The following SEPTIN10 variants were observed in gnomAD, a reference collection of about 807,000 sequenced individuals.
The protein encoded by SEPTIN10 is septin 10.
A neutral mutation model predicts 54.8 loss-of-function variants in SEPTIN10; 66 were observed. The observed-to-expected ratio is 1.21, with a 90% CI of 0.99 to 1.48. SEPTIN10 has a LOEUF of 1.48. Among genes scored for constraint, SEPTIN10 ranks in the 40% most tolerant of loss-of-function variants. The pLI, the probability that SEPTIN10 is intolerant of heterozygous loss-of-function variation, is 0.00. For synonymous variants in SEPTIN10, 161 were observed against 181.0 expected (o/e 0.89, Z 0.89); for missense variants, 620 against 545.6 (o/e 1.14, Z -1.36).
At chr2:109,586,403 A>AAGT (rs1692546882) in intron 2 of SEPTIN10, among the ~76,000 whole-genome samples, 1 of 151,558 alleles carries the variant, frequency 6.6e-6, no homozygotes, top group African/African-American at 2.4e-5. Flanking sequence ...GAGTTTATCT[A>AAGT]GCTTTTTCCC....
chr2:109,571,020 T>C (rs1688241982), intron 5 of SEPTIN10, among the ~76,000 whole-genome samples: 1 of 152,138 alleles, frequency 6.6e-6, no homozygotes, highest in African/African-American at 2.4e-5. Flanking sequence ...GGGACAGAGT[T>C]GTCCCTTGCT....
rs114417153 is a variant in SEPTIN10 at position 109,585,547 on chromosome 2, G to T, written c.217+174C>A. On this transcript the variant is annotated intron_variant, in intron 3 of 10. Transcript: ENST00000397712. ...CAACACTGAGATGTTTATATAACAA[G>T]CCAAAAGCTTAAAGCTAAGAAAAAC... Among the ~76,000 whole-genome samples the T allele has an allele frequency of 5.0e-3, 763 of 152,238 alleles. 6 individuals carry two copies. Among genetic ancestry groups the T allele is most frequent in the African/African-American group, 0.018 (730 of 41,542 alleles).
chr2:109,550,748 A>C (rs1682729892), intron 9 of SEPTIN10, among the ~76,000 whole-genome samples: 1 of 152,100 alleles, frequency 6.6e-6, no homozygotes, highest in Non-Finnish European at 1.5e-5. Context: ...CTTTGTGTTC[A>C]CTTAAAAATT....
At chr2:109,559,177 C>A (rs941735500) in intron 8 of SEPTIN10, among the ~76,000 whole-genome samples, 2 of 152,182 alleles carry the variant, frequency 1.3e-5, no homozygotes, top group Admixed American at 1.3e-4. Flanking sequence ...TAAGCCACCA[C>A]GCCTGGCCAG....
At chr2:109,575,098 C>T (rs1490037679) in intron 4 of SEPTIN10, among the ~76,000 whole-genome samples, 2 of 152,154 alleles carry the variant, frequency 1.3e-5, no homozygotes, top group African/African-American at 2.4e-5. Context: ...TTTGTACTTC[C>T]GAAACCATCA....
At position 109,601,966 on chromosome 2, in the gene SEPTIN10, G is replaced by C. The variant is rs555923964; in HGVS notation, c.31-8847C>G. On this transcript the variant is annotated intron_variant, in intron 1 of 10. Transcript: ENST00000397712. ...TCATATGGAAATGCGCTTCCCGAGG[G>C]AAAAACCAGGACCCATGAATAGACT... Among the ~76,000 whole-genome samples the C allele has an allele frequency of 4.1e-4, 62 of 152,226 alleles. 1 individual carries two copies. Among genetic ancestry groups the C allele is most frequent in the African/African-American group, 1.3e-3 (56 of 41,530 alleles).
chr2:109,585,150 C>G lies in SEPTIN10; in HGVS notation c.389G>C (p.Gly130Ala). The G allele has an allele frequency of 6.3e-7, 1 of 1,586,664 alleles. No homozygotes were observed. Among genetic ancestry groups the G allele is most frequent in the Non-Finnish European group, 8.6e-7 (1 of 1,168,430 alleles). Residue 130 changes from glycine (G) to alanine (A), a missense_variant, in exon 4 of 11, where the codon GGT becomes GCT. Gly to Ala is a moderately conservative substitution (Grantham distance 60). Transcript: ENST00000397712. ...CCTCTCTTCTTTATTTATTTGGTCA[C>G]CAAATCCCACTGTATTCACAATGGT... ...KLTIVNTVGF[G>A]DQINKEESYQ...
chr2:109,563,205 C>T lies in SEPTIN10; in HGVS notation c.1028+1161G>A, dbSNP rs1360887881. On this transcript the variant is annotated intron_variant, in intron 8 of 10. Transcript: ENST00000397712. The stretch of plus-strand genomic sequence containing the variant: ...GGATTACAGGCCATGAACCACCACA[C>T]CCGGCCATAAGTATATACAATTCTT... Among the ~76,000 whole-genome samples the T allele has an allele frequency of 3.3e-5, 5 of 152,306 alleles. No individual in the cohort carries two copies. In the East Asian group the frequency reaches 9.6e-4, roughly 29 times the overall value.
intron 5 of SEPTIN10, among the ~76,000 whole-genome samples, chr2:109,570,698 A>G (rs1023053209): frequency 2.0e-5 from 3 of 151,344 alleles, no homozygotes; most frequent in African/African-American, 7.3e-5. Context: ...ATTTTTTTGT[A>G]TTTTTAGTAG....
At chr2:109,555,508 C>T (rs1684155012) in intron 8 of SEPTIN10, among the ~76,000 whole-genome samples, 1 of 152,174 alleles carries the variant, frequency 6.6e-6, no homozygotes, top group African/African-American at 2.4e-5. Flanking sequence ...TCATGATCAA[C>T]TCAGTATACC....
chr2:109,610,959 T>A (rs1699132576), intron 1 of SEPTIN10, among the ~76,000 whole-genome samples: 1 of 152,166 alleles, frequency 6.6e-6, no homozygotes, highest in Admixed American at 6.5e-5. Context: ...TCTACCTTAT[T>A]TCAGACTTAC....
At position 109,585,703 on chromosome 2, in the gene SEPTIN10, A is replaced by T; in HGVS notation, c.217+18T>A. 6.6e-7 allele frequency: 1 copy of T among 1,515,356 alleles called. No homozygotes were observed. Among genetic ancestry groups the T allele is most frequent in the South Asian group, 1.1e-5 (1 of 89,026 alleles). 93.9% of individuals were successfully genotyped at this position (1,515,356 alleles called of 1,614,324 possible). On this transcript the variant is annotated intron_variant, in intron 3 of 10. Coordinates refer to ENST00000397712, the MANE Select transcript of SEPTIN10 (RefSeq NM_144710.5). ...GAATATGAAGGAACAACTTAGAGGA[A>T]GAGTAGGTGGCACGTACCCACACAG...
chr2:109,574,979 T>C (rs554225051), intron 4 of SEPTIN10, among the ~76,000 whole-genome samples: 2 of 152,382 alleles, frequency 1.3e-5, no homozygotes, highest in Admixed American at 1.3e-4. Context: ...TATATCCTGA[T>C]AAATCCATCA....
At chr2:109,582,024 A>G (rs991122239) in intron 4 of SEPTIN10, among the ~76,000 whole-genome samples, 2 of 151,890 alleles carry the variant, frequency 1.3e-5, no homozygotes, top group Non-Finnish European at 2.9e-5. Context: ...TCTGTATATC[A>G]ATAATGGTCA....
intron 8 of SEPTIN10, among the ~76,000 whole-genome samples, chr2:109,562,990 A>G (rs1477535884): frequency 6.6e-6 from 1 of 151,782 alleles, no homozygotes; most frequent in Non-Finnish European, 1.5e-5. Flanking sequence ...AGCTCACTGT[A>G]AACTCTGCCT....
chr2:109,610,657 G>A (rs759719249), intron 1 of SEPTIN10, among the ~76,000 whole-genome samples: 15 of 152,044 alleles, frequency 9.9e-5, no homozygotes, highest in Non-Finnish European at 1.9e-4. Flanking sequence ...TGGAGGCTGC[G>A]GTGAGCTGAG....
chr2:109,565,890 T>C, intron 6 of SEPTIN10, 31 bp from the exon 7 acceptor site: 1 of 1,540,562 alleles, frequency 6.5e-7, no homozygotes. Flanking sequence ...CATCTTCTCA[T>C]ACCACTGTGA....
chr2:109,597,800 C>T (rs568641942), intron 1 of SEPTIN10, among the ~76,000 whole-genome samples: 4 of 152,172 alleles, frequency 2.6e-5, no homozygotes, highest in Non-Finnish European at 5.9e-5. Flanking sequence ...AAGTCTGGTG[C>T]TGCACCTTTT....
At chr2:109,552,749 C>A in intron 9 of SEPTIN10, 1 of 205,336 alleles carries the variant, frequency 4.9e-6, no homozygotes. Flanking sequence ...GAATGAGGCA[C>A]CTAAAAATTG....
Sources: allele counts gnomAD v4.1 joint callset (sites outside exome capture counted in the v4.1 genomes callset), GRCh38; gene constraint gnomAD v4.1.1; transcripts MANE v1.5; gene names NCBI Gene and HGNC (gene_info 2026-07-23, HGNC 2026-07-21).